Variants in UGT1A9 observed in about 807,000 individuals in gnomAD.
UGT1A9 encodes UDP-glucuronosyltransferase 1A9.
In UGT1A9, 35 loss-of-function variants were observed where a neutral mutation model predicts 45.0. The ratio of observed to expected loss-of-function variants is 0.78; its 90% CI spans 0.59 to 1.03. The LOEUF is 1.03. UGT1A9 is among the 50% of genes least tolerant of loss of function. The pLI, the probability that UGT1A9 is intolerant of heterozygous loss-of-function variation, is 0.00. For synonymous variants in UGT1A9, 278 were observed against 250.6 expected (o/e 1.11, Z -1.03); for missense variants, 687 against 666.6 (o/e 1.03, Z -0.34).
At chr2:233,736,129 C>T (rs1342525858) in intron 1 of UGT1A9, among the ~76,000 whole-genome samples, 3 of 152,224 alleles carry the variant, frequency 2.0e-5, no homozygotes, top group South Asian at 2.1e-4. Flanking sequence ...CCATTCTCCG[C>T]ATCACTTTCA....
chr2:233,705,359 T>C (rs1380936065), intron 1 of UGT1A9, among the ~76,000 whole-genome samples: 3 of 152,218 alleles, frequency 2.0e-5, no homozygotes, highest in Non-Finnish European at 4.4e-5. Flanking sequence ...TACATGGGGT[T>C]TTGCTTTTAT....
chr2:233,769,618 G>A lies in UGT1A9; in HGVS notation c.1295+1179G>A. ...GGAACACGGGGACACACCAGCTTGA[G>A]CAAGGGACAACAGGGGAGGACTGAT... On this transcript the variant is annotated intron_variant, in intron 4 of 4. Coordinates refer to ENST00000354728, the MANE Select transcript of UGT1A9 (RefSeq NM_021027.3). This position sits in a 1 kb window ranked among gnomAD's most constrained non-coding sequence, Gnocchi z 4.4. The A allele has an allele frequency of 1.9e-6, 3 of 1,612,672 alleles. No individual in the cohort carries two copies. Among genetic ancestry groups the A allele is most frequent in the Non-Finnish European group, 2.5e-6 (3 of 1,179,802 alleles).
intron 1 of UGT1A9, among the ~76,000 whole-genome samples, chr2:233,735,640 G>A (rs879325223): frequency 3.9e-5 from 6 of 152,140 alleles, no homozygotes; most frequent in Admixed American, 3.9e-4. Flanking sequence ...TTTTTGCAGT[G>A]GCTGGTACTG....
intron 1 of UGT1A9, among the ~76,000 whole-genome samples, chr2:233,679,624 T>G (rs2074457728): frequency 6.6e-6 from 1 of 152,178 alleles, no homozygotes; most frequent in Admixed American, 6.5e-5. Context: ...CAGGCAGATA[T>G]CCTTTGTCCT....
rs956485327 is a variant in UGT1A9, at chr2:233,732,755, GTTTTTTT to G, written c.856-34269_856-34263del. On this transcript the variant is annotated intron_variant, in intron 1 of 4. Transcript: ENST00000354728. Reference sequence around the variant, plus strand: ...CAGGTAGCATGATGCCACCAGCTTTGTTTTTTTTTTTTTTTTGCTTAGGATTGTCTTG... The same window carrying G: ...CAGGTAGCATGATGCCACCAGCTTTGTTTTTTTTTGCTTAGGATTGTCTTG... Among the ~76,000 whole-genome samples the G allele has an allele frequency of 7.5e-5, 9 of 120,224 alleles. No individual in the cohort carries two copies. The East Asian group carries it at 1.2e-3, about 16-fold the overall frequency. 78.9% of individuals were successfully genotyped at this position (120,224 alleles called of 152,430 possible).
intron 1 of UGT1A9, chr2:233,712,944 G>C (rs768332729): frequency 3.1e-6 from 5 of 1,612,628 alleles, no homozygotes; most frequent in Non-Finnish European, 2.5e-6. Context: ...ACAATTCTAG[G>C]AGGCACAACG....
chr2:233,692,816 T>G (rs2075115835), intron 1 of UGT1A9: 1 of 1,429,336 alleles, frequency 7.0e-7, no homozygotes, highest in Non-Finnish European at 9.1e-7. Flanking sequence ...TTGGTTCATA[T>G]TAACCATGTG....
chr2:233,672,281 T>G lies in UGT1A9; in HGVS notation c.347T>G (p.Ile116Ser). 6.2e-7 allele frequency: 1 copy of G among 1,613,842 alleles called. No individual in the cohort carries two copies. The highest frequency in any genetic ancestry group is 8.5e-7 in the Non-Finnish European group (1 of 1,179,802). ...CTATTAATGGGTTCATACAATGACA[T>G]TTTTGACTTATTTTTTTCAAATTGC... ...YSLLMGSYNDIFDLFFSNCRS... is the reference protein window; with the variant it reads ...YSLLMGSYNDSFDLFFSNCRS... Residue 116 changes from isoleucine (I) to serine (S), a missense_variant, in exon 1 of 5, where the codon ATT becomes AGT. Physicochemically the swap from Ile to Ser is moderately radical, Grantham distance 142 (BLOSUM62 -2). Coordinates refer to ENST00000354728, the MANE Select transcript of UGT1A9 (RefSeq NM_021027.3).
chr2:233,727,656 C>T (rs982873405), intron 1 of UGT1A9, among the ~76,000 whole-genome samples: 1 of 152,148 alleles, frequency 6.6e-6, no homozygotes, highest in Non-Finnish European at 1.5e-5. Context: ...CTTTCTAGTG[C>T]TCTATGTCCT....
intron 1 of UGT1A9, among the ~76,000 whole-genome samples, chr2:233,688,409 C>T (rs1559343173): frequency 6.6e-6 from 1 of 152,202 alleles, no homozygotes; most frequent in East Asian, 1.9e-4. Context: ...AATTTTCGAG[C>T]CCATGTGCCT....
intron 1 of UGT1A9, chr2:233,729,698 C>T: frequency 6.2e-7 from 1 of 1,613,936 alleles, no homozygotes; most frequent in Non-Finnish European, 8.5e-7. Flanking sequence ...CCAAACCCTT[C>T]CTCCTATATT....
At chr2:233,760,857 C>G in intron 1 of UGT1A9, 1 of 1,614,098 alleles carries the variant, frequency 6.2e-7, no homozygotes, top group Non-Finnish European at 8.5e-7. Flanking sequence ...CCAACCCATT[C>G]TCCTACGTGC....
rs2074231048 is a variant in UGT1A9 at position 233,672,564 on chromosome 2, C to T, written c.630C>T (p.His210=). The T allele has an allele frequency of 1.2e-6, 2 of 1,613,846 alleles. No homozygotes were observed. Among genetic ancestry groups the T allele is most frequent in the Non-Finnish European group, 1.7e-6 (2 of 1,179,858 alleles). Residue 210 remains histidine (H), a synonymous_variant, in exon 1 of 5, where the codon CAC becomes CAT. Coordinates refer to ENST00000354728, the MANE Select transcript of UGT1A9 (RefSeq NM_021027.3). The part of the protein sequence containing the change: ...AMTFKERVRN[H]IMHLEEHLLC... ...CTTTCAAGGAGAGAGTACGGAACCA[C>T]ATCATGCACTTGGAGGAACATTTAT...
At chr2:233,760,651 A>G (rs1358018329) in intron 1 of UGT1A9, 1 of 1,614,196 alleles carries the variant, frequency 6.2e-7, no homozygotes, top group South Asian at 1.1e-5. Context: ...GGACTCTGCT[A>G]TGCTTTTGTC....
intron 1 of UGT1A9, among the ~76,000 whole-genome samples, chr2:233,745,931 A>T (rs1693251740): frequency 1.3e-5 from 2 of 151,426 alleles, no homozygotes; most frequent in African/African-American, 4.9e-5. Flanking sequence ...TTCAGAAGGG[A>T]CAGCTGGGGG....
chr2:233,678,330 G>A (rs1183988042), intron 1 of UGT1A9, among the ~76,000 whole-genome samples: 3 of 152,128 alleles, frequency 2.0e-5, no homozygotes, highest in African/African-American at 7.2e-5. Flanking sequence ...TGTATAAGAG[G>A]AAGTCATTCA....
At chr2:233,766,899 A>T in intron 1 of UGT1A9, 135 bp from the exon 2 acceptor site, 2 of 1,486,470 alleles carry the variant, frequency 1.3e-6, no homozygotes, top group Non-Finnish European at 1.8e-6. Flanking sequence ...CATATTAATA[A>T]TTTTTTACTC....
intron 1 of UGT1A9, chr2:233,712,880 A>G (rs1299696609): frequency 5.6e-6 from 9 of 1,597,918 alleles, no homozygotes; most frequent in Admixed American, 1.7e-5. Flanking sequence ...TCTGTCTTCA[A>G]TTACATGTTG....
intron 1 of UGT1A9, among the ~76,000 whole-genome samples, chr2:233,704,329 A>G (rs1314519852): frequency 2.4e-5 from 3 of 126,880 alleles, no homozygotes; most frequent in Non-Finnish European, 4.8e-5. Context: ...TTTTCTTTCC[A>G]CTATTTAAAA....
Sources: gnomAD v4.1 joint callset for allele counts (sites outside exome capture counted in the v4.1 genomes callset) on GRCh38, gnomAD v4.1.1 for gene constraint, Gnocchi (gnomAD v3.1) non-coding constraint, MANE v1.5 for transcripts, NCBI Gene and HGNC (gene_info 2026-07-23, HGNC 2026-07-21) for gene names.